The following CDH11 variants were observed in gnomAD, a reference collection of about 807,000 sequenced individuals.
CDH11 encodes cadherin-11.
CDH11 carries 11 observed loss-of-function variants against 67.8 expected under a neutral mutation model. The observed-to-expected ratio is 0.16, with a 90% CI of 0.10 to 0.27. The LOEUF is 0.27. Among genes scored for constraint, CDH11 ranks in the 10% least tolerant of loss-of-function variants. The probability of loss-of-function intolerance (pLI) is 1.00; values close to 1 mark genes in which losing one functional copy is unlikely to be tolerated. For synonymous variants in CDH11, 419 were observed against 400.0 expected (o/e 1.05, Z -0.57); for missense variants, 847 against 1,031.2 (o/e 0.82, Z 2.45).
chr16:64,962,867 A>C (rs1167496235), intron 11 of CDH11, among the ~76,000 whole-genome samples: 3 of 152,180 alleles, frequency 2.0e-5, no homozygotes, highest in Non-Finnish European at 4.4e-5. Context: ...AGGAGGGAGA[A>C]AAAAACAACT....
intron 2 of CDH11, among the ~76,000 whole-genome samples, chr16:65,046,645 G>A (rs940102985): frequency 1.3e-5 from 2 of 152,148 alleles, no homozygotes; most frequent in South Asian, 2.1e-4. Context: ...ATAGAACATG[G>A]CAAAATGATT....
chr16:65,069,614 A>G (rs1190312570), intron 1 of CDH11, among the ~76,000 whole-genome samples: 1 of 152,218 alleles, frequency 6.6e-6, no homozygotes, highest in African/African-American at 2.4e-5. Flanking sequence ...CCCAAAGAAC[A>G]AGCCAATTTA....
At chr16:65,043,284 A>C (rs2073897803) in intron 2 of CDH11, among the ~76,000 whole-genome samples, 1 of 151,750 alleles carries the variant, frequency 6.6e-6, no homozygotes, top group Admixed American at 6.6e-5. Context: ...AAAATATTTA[A>C]TAGAGTTTGT....
intron 1 of CDH11, among the ~76,000 whole-genome samples, chr16:65,091,142 C>A (rs1204470001): frequency 6.6e-6 from 1 of 152,126 alleles, no homozygotes; most frequent in African/African-American, 2.4e-5. Context: ...AAGCATATGT[C>A]CATGTAGCTA....
In CDH11 at chr16:64,947,753, G is replaced by T; in HGVS notation, c.2241C>A (p.Gly747=). Reference sequence around the variant, plus strand: ...TCAGGGACCCGGCCACTGAGCCCCTGCCTTCATAACCGTAGATTTGAATGG... The same window carrying T: ...TCAGGGACCCGGCCACTGAGCCCCTTCCTTCATAACCGTAGATTTGAATGG... ...YDSIQIYGYE[G]RGSVAGSLSS... The change falls in exon 13 of 13, where the codon GGC becomes GGA. Residue 747 remains glycine (G), a synonymous_variant. Transcript: ENST00000268603. 1 of 1,614,178 alleles carries T rather than the reference G, an allele frequency of 6.2e-7. No homozygotes were observed.
intron 1 of CDH11, among the ~76,000 whole-genome samples, chr16:65,059,249 C>T (rs2074197619): frequency 6.6e-6 from 1 of 152,156 alleles, no homozygotes; most frequent in South Asian, 2.1e-4. Context: ...AAGGCTGGCT[C>T]CTTACTGCCT....
At chr16:65,044,372 T>C (rs2073919548) in intron 2 of CDH11, among the ~76,000 whole-genome samples, 1 of 152,208 alleles carries the variant, frequency 6.6e-6, no homozygotes, top group Non-Finnish European at 1.5e-5. Flanking sequence ...AAATGTTTTA[T>C]TTTCTTTTAA....
chr16:65,120,679 A>G (rs973039685), intron 1 of CDH11, among the ~76,000 whole-genome samples: 1 of 152,184 alleles, frequency 6.6e-6, no homozygotes, highest in Non-Finnish European at 1.5e-5. Flanking sequence ...TAGCAGTGTG[A>G]TGGCCCATGA....
intron 1 of CDH11, among the ~76,000 whole-genome samples, chr16:65,070,469 T>C (rs2074396981): frequency 6.6e-6 from 1 of 152,154 alleles, no homozygotes; most frequent in South Asian, 2.1e-4. Flanking sequence ...ACTGTACAAG[T>C]TTCAGTCTCC....
intron 2 of CDH11, among the ~76,000 whole-genome samples, chr16:65,042,740 CT>C (rs2073887054): frequency 6.6e-6 from 1 of 152,172 alleles, no homozygotes; most frequent in African/African-American, 2.4e-5. Flanking sequence ...CCTGTCTTCC[CT>C]CCATCTGGTA....
At chr16:64,992,791 C>A in intron 5 of CDH11, 124 bp downstream of exon 5, 1 of 832,398 alleles carries the variant, frequency 1.2e-6, no homozygotes, top group Non-Finnish European at 1.8e-6. Flanking sequence ...CACACTAACC[C>A]TATAGGGTAG....
At chr16:64,961,434 C>T (rs1290142552) in intron 11 of CDH11, among the ~76,000 whole-genome samples, 3 of 152,218 alleles carry the variant, frequency 2.0e-5, no homozygotes, top group Non-Finnish European at 4.4e-5. Flanking sequence ...TGAGATGGCC[C>T]ATTGTAAAGC....
intron 11 of CDH11, among the ~76,000 whole-genome samples, chr16:64,951,610 A>G (rs1442894371): frequency 1.3e-5 from 2 of 152,162 alleles, no homozygotes; most frequent in Non-Finnish European, 2.9e-5. Flanking sequence ...ATGTTAGCAC[A>G]CGAAATATTA....
chr16:65,035,245 T>C (rs1236463247), intron 2 of CDH11, among the ~76,000 whole-genome samples: 4 of 152,234 alleles, frequency 2.6e-5, no homozygotes, highest in African/African-American at 9.6e-5. Flanking sequence ...GCCCAGGGCT[T>C]GGTGATCATT....
intron 1 of CDH11, among the ~76,000 whole-genome samples, chr16:65,068,032 G>A (rs1317134552): frequency 3.5e-5 from 4 of 112,802 alleles, no homozygotes; most frequent in Non-Finnish European, 7.3e-5. Context: ...GGAAAGCAGG[G>A]AGGGAGGGAA....
intron 2 of CDH11, among the ~76,000 whole-genome samples, chr16:65,025,436 G>A (rs1030873634): frequency 2.0e-5 from 3 of 152,046 alleles, no homozygotes; most frequent in Admixed American, 6.6e-5. Context: ...TCCGCCTCCC[G>A]GGTTCAAACG....
intron 11 of CDH11, among the ~76,000 whole-genome samples, chr16:64,964,888 A>T (rs890835150): frequency 6.6e-6 from 1 of 152,036 alleles, no homozygotes; most frequent in South Asian, 2.1e-4. Flanking sequence ...GCTACACTAA[A>T]CTTATAAAAA....
At chr16:65,065,391 C>G (rs1387998677) in intron 1 of CDH11, among the ~76,000 whole-genome samples, 3 of 152,102 alleles carry the variant, frequency 2.0e-5, no homozygotes, top group Non-Finnish European at 4.4e-5. Flanking sequence ...GGAGAAAGAA[C>G]AGCATGAAAT....
At chr16:65,081,438 G>A (rs527350864) in intron 1 of CDH11, among the ~76,000 whole-genome samples, 218 of 152,198 alleles carry the variant, frequency 1.4e-3, no homozygotes, top group African/African-American at 4.8e-3. Context: ...GCATGGTGGC[G>A]GGCGCCTGTA....
Sources: allele counts gnomAD v4.1 joint callset (sites outside exome capture counted in the v4.1 genomes callset), GRCh38; gene constraint gnomAD v4.1.1; transcripts MANE v1.5; gene names NCBI Gene and HGNC (gene_info 2026-07-23, HGNC 2026-07-21).